RHD: variants seen among roughly 807,000 people sequenced by gnomAD.
RHD encodes the protein blood group Rh(D) polypeptide.
In RHD, 16 loss-of-function variants were observed where a neutral mutation model predicts 45.5. That is an observed-to-expected ratio of 0.35 (90% confidence interval 0.24 to 0.53). The LOEUF (loss-of-function observed/expected upper bound fraction) is 0.53, where lower values mean the gene tolerates loss of function less well. Among genes scored for constraint, RHD ranks in the 20% least tolerant of loss-of-function variants. The pLI, the probability that RHD is intolerant of heterozygous loss-of-function variation, is 0.92. For synonymous variants in RHD, 131 were observed against 217.5 expected (o/e 0.60, Z 3.50); for missense variants, 306 against 532.0 (o/e 0.58, Z 4.18).
At chr1:25,304,812 CT>C (rs1643669612) in intron 6 of RHD, 1 of 131,450 alleles carries the variant, frequency 7.6e-6, no homozygotes, top group African/African-American at 2.6e-5. Flanking sequence ...TCTCCTCTGG[CT>C]TTGAAACCCT....
chr1:25,283,182 G>A (rs1641651921), intron 1 of RHD, among the ~76,000 whole-genome samples: 1 of 132,012 alleles, frequency 7.6e-6, no homozygotes, highest in Non-Finnish European at 1.8e-5. Context: ...AGAAGAGGGA[G>A]GGCAGATGGT....
rs1456587242 is a variant in RHD at position 25,280,014 on chromosome 1, A to C, written c.149-4559A>C. Reference sequence around the variant, plus strand: ...GGAGCCCAGATAATGGATGGGTGGAAATGGGCCTGGAGCCCAGGAGAAGTG... The same window carrying C: ...GGAGCCCAGATAATGGATGGGTGGACATGGGCCTGGAGCCCAGGAGAAGTG... On this transcript the variant is annotated intron_variant, in intron 1 of 9. Transcript: ENST00000328664. 8.8e-4 allele frequency among the ~76,000 whole-genome samples: 115 copies of C among 129,988 alleles called. 28 individuals are homozygous for C. Among genetic ancestry groups the C allele is most frequent in the Non-Finnish European group, 1.7e-3 (95 of 55,348 alleles). 85.3% of individuals were successfully genotyped at this position (129,988 alleles called of 152,430 possible).
At position 25,321,674 on chromosome 1, in the gene RHD, TAAATA is replaced by T. The variant is rs56928540; in HGVS notation, c.1154-184_1154-180del. On this transcript the variant is annotated intron_variant, in intron 8 of 9. Coordinates refer to ENST00000328664, the MANE Select transcript of RHD (RefSeq NM_016124.6). ...GATAGAGTGAGACTCTGTCTCAAAA[TAAATA>T]AAATAAAATAAAATAAAATAAAATA... 1.5e-4 allele frequency among the ~76,000 whole-genome samples: 14 copies of T among 91,300 alleles called. 1 individual carries two copies. The highest frequency in any genetic ancestry group is 3.7e-4 in the South Asian group (1 of 2,710). 59.9% of individuals were successfully genotyped at this position (91,300 alleles called of 152,430 possible).
chr1:25,306,981 G>A (rs1643885460), intron 7 of RHD: 2 of 439,900 alleles, frequency 4.5e-6, no homozygotes, highest in East Asian at 7.5e-5. Context: ...GAAATCTTTT[G>A]TGATCCCACA....
rs1324851904 is a variant in RHD at position 25,316,392 on chromosome 1, G to A, written c.1074-608G>A. On this transcript the variant is annotated intron_variant, in intron 7 of 9. Coordinates refer to ENST00000328664, the MANE Select transcript of RHD (RefSeq NM_016124.6). ...CCCAGCACTTTGGGAGGCCGAGGCGGGCAGATCACTTGAGGTCAGGAGTTC... is the reference window on the plus strand; with the variant it reads ...CCCAGCACTTTGGGAGGCCGAGGCGAGCAGATCACTTGAGGTCAGGAGTTC... 1.7e-4 allele frequency among the ~76,000 whole-genome samples: 22 copies of A among 129,264 alleles called. 4 individuals are homozygous for A. Among genetic ancestry groups the A allele is most frequent in the African/African-American group, 5.6e-4 (21 of 37,372 alleles). The allele number at this position is 129,264 out of a possible 152,430, so 84.8% of individuals were successfully genotyped here. A position where few individuals can be genotyped will look rare whatever the true frequency, so the allele number is the denominator to read the frequency against.
In RHD at chr1:25,301,455, C is replaced by A. The variant is rs533258873; in HGVS notation, c.635-65C>A. 168 of 1,295,858 alleles carry A rather than the reference C, an allele frequency of 1.3e-4. 27 individuals carry two copies. The highest frequency in any genetic ancestry group is 9.7e-4 in the East Asian group (43 of 44,512). The allele number at this position is 1,295,858 out of a possible 1,614,324, so 80.3% of individuals were successfully genotyped here. ...CAGCCCTAGGATTCTCATCCAAAAC[C>A]CCTCGAGGCTCAGACCTTTGGAGCA... is the stretch of plus-strand genomic sequence containing the variant. On this transcript the variant is annotated intron_variant, in intron 4 of 9. Transcript: ENST00000328664.
At position 25,329,235 on chromosome 1, in the gene RHD, T is replaced by C. The variant is rs28378715; in HGVS notation, c.*311T>C. 12 of 525,732 alleles carry C rather than the reference T, an allele frequency of 2.3e-5. No homozygotes were observed. The highest frequency in any genetic ancestry group is 2.2e-5 in the South Asian group (1 of 45,606). The allele number at this position is 525,732 out of a possible 1,614,324, so 32.6% of individuals were successfully genotyped here. On this transcript the variant is annotated 3_prime_UTR_variant, in exon 10 of 10. Coordinates refer to ENST00000328664, the MANE Select transcript of RHD (RefSeq NM_016124.6). ...GCTAAGGTTAATTTATTATTATTCC[T>C]TGTTTTTTTTTTTTTTTTTTTTTTT...
intron 7 of RHD, among the ~76,000 whole-genome samples, chr1:25,312,955 A>AAAAAAAAAAAAT (rs1644244261): frequency 9.1e-6 from 1 of 109,882 alleles, no homozygotes. Flanking sequence ...AAAAAAAAAA[A>AAAAAAAAAAAAT]CTTTAGTGCT....
rs529070273 is a variant in RHD at position 25,323,409 on chromosome 1, C to T, written c.1227+1447C>T. ...TTCCTCCCTCCCTACCCACCTGGTC[C>T]CACCCAAAGGCAACCACTGAACTAC... is the stretch of plus-strand genomic sequence containing the variant. On this transcript the variant is annotated intron_variant, in intron 9 of 9. Transcript: ENST00000328664. 7.3e-4 allele frequency among the ~76,000 whole-genome samples: 81 copies of T among 111,684 alleles called. 2 individuals carry two copies. Among genetic ancestry groups the T allele is most frequent in the Admixed American group, 3.3e-3 (36 of 10,854 alleles). 73.3% of individuals were successfully genotyped at this position (111,684 alleles called of 152,430 possible).
intron 7 of RHD, among the ~76,000 whole-genome samples, chr1:25,316,041 TA>T (rs1308274585): frequency 7.7e-6 from 1 of 130,696 alleles, no homozygotes; most frequent in Non-Finnish European, 1.8e-5. Flanking sequence ...AGGAAAGGCT[TA>T]AAAAACTGGC....
At chr1:25,311,801 A>T (rs1360005254) in intron 7 of RHD, among the ~76,000 whole-genome samples, 3 of 131,172 alleles carry the variant, frequency 2.3e-5, no homozygotes, top group African/African-American at 8.0e-5. Flanking sequence ...TGTGGAAGGT[A>T]AAAGTCATAA....
chr1:25,292,548 G>A (rs1642601941), intron 3 of RHD, among the ~76,000 whole-genome samples: 1 of 131,410 alleles, frequency 7.6e-6, no homozygotes, highest in Non-Finnish European at 1.8e-5. Flanking sequence ...CTCAGCGGCT[G>A]CTGGTGCCAT....
At chr1:25,274,575 G>C (rs1253210421) in intron 1 of RHD, among the ~76,000 whole-genome samples, 3 of 133,362 alleles carry the variant, frequency 2.2e-5, no homozygotes, top group East Asian at 1.9e-4. Context: ...GCCCAGCCAG[G>C]TCTTGAAGGC....
At chr1:25,322,913 TAA>T (rs1208261734) in intron 9 of RHD, among the ~76,000 whole-genome samples, 1 of 117,906 alleles carries the variant, frequency 8.5e-6, no homozygotes, top group Non-Finnish European at 2.0e-5. Context: ...GCAAAAAAGT[TAA>T]AAAGACAAAT....
Position 25,290,800 on chromosome 1 carries a change from T to C in RHD, c.486+9T>C, listed in dbSNP as rs113795383. On this transcript the variant is annotated intron_variant, in intron 3 of 9. Coordinates refer to ENST00000328664, the MANE Select transcript of RHD (RefSeq NM_016124.6). ...TCAGTAATATCTTCAACGTGAGTCA[T>C]GGTGCTGGGAGGAGGGACCTGGGAG... The C allele has an allele frequency of 3.2e-3, 4,402 of 1,374,792 alleles. 627 individuals are homozygous for C. In the African/African-American group the frequency reaches 0.052, roughly 16 times the overall value. 85.2% of individuals were successfully genotyped at this position (1,374,792 alleles called of 1,614,324 possible).
rs1296808709 is a variant in RHD, at chr1:25,329,165, C to A, written c.*241C>A. On this transcript the variant is annotated 3_prime_UTR_variant, in exon 10 of 10. Transcript: ENST00000328664. ...ACAGCCATGTACCACATAACAACAT[C>A]TTGGTAAACAACAGACTGCATATAT... 8.4e-6 allele frequency: 8 copies of A among 949,204 alleles called. 2 individuals are homozygous for A. Among genetic ancestry groups the A allele is most frequent in the South Asian group, 4.2e-5 (3 of 71,260 alleles). 58.8% of individuals were successfully genotyped at this position (949,204 alleles called of 1,614,324 possible). A position where few individuals can be genotyped will look rare whatever the true frequency, so the allele number is the denominator to read the frequency against.
intron 7 of RHD, among the ~76,000 whole-genome samples, chr1:25,312,867 C>T (rs1200112487): frequency 1.0e-5 from 1 of 95,354 alleles, no homozygotes; most frequent in Non-Finnish European, 2.2e-5. Flanking sequence ...CTGCAGTGAG[C>T]TATGATCATG....
intron 8 of RHD, among the ~76,000 whole-genome samples, chr1:25,320,746 A>ATACT (rs935896186): frequency 7.6e-6 from 1 of 132,248 alleles, no homozygotes; most frequent in African/African-American, 2.6e-5. Context: ...GGCAGAGAGT[A>ATACT]GACAGGGAAT....
In RHD at chr1:25,301,596, C is replaced by T. The variant is rs367810718; in HGVS notation, c.711C>T (p.Ala237=). 28 of 1,379,856 alleles carry T rather than the reference C, an allele frequency of 2.0e-5. 6 individuals are homozygous for T. Among genetic ancestry groups the T allele is most frequent in the Admixed American group, 7.1e-5 (4 of 56,426 alleles). 85.5% of individuals were successfully genotyped at this position (1,379,856 alleles called of 1,614,324 possible). ...GAAGTCCAATCGAAAGGAAGAATGC[C>T]GTGTTCAACACCTACTATGCTGTAG... is the stretch of plus-strand genomic sequence containing the variant. The part of the protein sequence containing the change: ...LLRSPIERKN[A]VFNTYYAVAV... Residue 237 remains alanine, a synonymous_variant, in exon 5 of 10, where the codon GCC becomes GCT. Transcript: ENST00000328664.
Sources: gnomAD v4.1 joint callset for allele counts (sites outside exome capture counted in the v4.1 genomes callset) on GRCh38, gnomAD v4.1.1 for gene constraint, MANE v1.5 for transcripts, NCBI Gene and HGNC (gene_info 2026-07-23, HGNC 2026-07-21) for gene names.